Variants in CDK1 observed in about 807,000 individuals in gnomAD.
The protein encoded by CDK1 is cyclin-dependent kinase 1.
CDK1 carries 5 observed loss-of-function variants against 34.6 expected under a neutral mutation model. That is an observed-to-expected ratio of 0.14 (90% CI 0.08 to 0.30). CDK1 has a LOEUF of 0.30. Among genes scored for constraint, CDK1 ranks in the 10% least tolerant of loss-of-function variants. The pLI is 1.00. For missense variants in CDK1, 157 were observed against 345.7 expected (o/e 0.45, Z 4.33); for synonymous variants, 108 against 114.7 (o/e 0.94, Z 0.37).
At chr10:60,781,298 A>C (rs2080270842) in intron 2 of CDK1, among the ~76,000 whole-genome samples, 2 of 152,272 alleles carry the variant, frequency 1.3e-5, no homozygotes, top group South Asian at 4.1e-4. Flanking sequence ...TTCTGAGAAA[A>C]GTACTTTAAT....
chr10:60,794,271 T>A lies in CDK1; in HGVS notation c.*296T>A, dbSNP rs911188914. 6 of 192,186 alleles carry A rather than the reference T, an allele frequency of 3.1e-5. No homozygotes were observed. The highest frequency in any genetic ancestry group is 6.3e-5 in the Non-Finnish European group (6 of 95,146). 11.9% of individuals were successfully genotyped at this position (192,186 alleles called of 1,614,324 possible). ...TTGGCTTAAATCATCTCAGTCCTTATGGCAGTTTTATTTTCCTGTAGTTGG... is the reference window on the plus strand; with the variant it reads ...TTGGCTTAAATCATCTCAGTCCTTAAGGCAGTTTTATTTTCCTGTAGTTGG... On this transcript the variant is annotated 3_prime_UTR_variant, in exon 8 of 8. Transcript: ENST00000395284.
intron 2 of CDK1, among the ~76,000 whole-genome samples, chr10:60,781,058 A>T (rs555665421): frequency 4.4e-4 from 66 of 150,028 alleles, no homozygotes; most frequent in African/African-American, 1.6e-3. Context: ...ATATATATAT[A>T]TTTTTTTTTT....
chr10:60,791,936 C>T lies in CDK1; in HGVS notation c.536C>T (p.Ala179Val). 6.2e-7 allele frequency: 1 copy of T among 1,612,872 alleles called. No homozygotes were observed. Among genetic ancestry groups the T allele is most frequent in the African/African-American group, 1.3e-5 (1 of 74,974 alleles). Residue 179 changes from alanine to valine, a missense_variant, in exon 6 of 8, where the codon GCT becomes GTT. Transcript: ENST00000395284. ...TCTCCAGAAGTATTGCTGGGGTCAG[C>T]TCGTTACTCAACTCCAGTTGACATT... ...YRSPEVLLGSARYSTPVDIWS... is the reference protein window; with the variant it reads ...YRSPEVLLGSVRYSTPVDIWS...
At position 60,785,671 on chromosome 10, in the gene CDK1, G is replaced by T; in HGVS notation, c.202G>T (p.Asp68Tyr). 6.3e-7 allele frequency: 1 copy of T among 1,592,796 alleles called. No homozygotes were observed. The highest frequency in any genetic ancestry group is 8.6e-7 in the Non-Finnish European group (1 of 1,166,956). The change falls in exon 4 of 8, where the codon GAT becomes TAT. Residue 68 changes from aspartate (D) to tyrosine (Y), a missense_variant. By Grantham distance (160) the Asp-to-Tyr change is radical. Transcript: ENST00000395284. ...LRHPNIVSLQ[D>Y]VLMQDSRLYL... The stretch of plus-strand genomic sequence containing the variant: ...TATATTTTTTTTCCCCAGTCTTCAG[G>T]ATGTGCTTATGCAGGATTCCAGGTT...
chr10:60,781,670 C>T (rs949825983), intron 2 of CDK1, among the ~76,000 whole-genome samples: 4 of 152,196 alleles, frequency 2.6e-5, no homozygotes, highest in African/African-American at 4.8e-5. Context: ...TTGATGTCCT[C>T]AAATGTATCC....
chr10:60,781,515 G>A (rs966079450), intron 2 of CDK1, among the ~76,000 whole-genome samples: 9 of 152,098 alleles, frequency 5.9e-5, no homozygotes, highest in African/African-American at 2.2e-4. Context: ...CAATATTATG[G>A]AAAGCATTTG....
At chr10:60,793,248 G>C (rs1326099324) in intron 7 of CDK1, among the ~76,000 whole-genome samples, 2 of 152,050 alleles carry the variant, frequency 1.3e-5, no homozygotes, top group Non-Finnish European at 2.9e-5. Flanking sequence ...TTACATGAGA[G>C]TTCAGATGGT....
intron 5 of CDK1, among the ~76,000 whole-genome samples, chr10:60,790,400 A>G (rs762268296): frequency 2.0e-5 from 3 of 152,068 alleles, no homozygotes; most frequent in Non-Finnish European, 2.9e-5. Flanking sequence ...GGCATGCACC[A>G]CCATGCTAGG....
chr10:60,792,597 T>C (rs2080368557), intron 7 of CDK1, among the ~76,000 whole-genome samples: 1 of 152,094 alleles, frequency 6.6e-6, no homozygotes, highest in Non-Finnish European at 1.5e-5. Flanking sequence ...CTAGCATTTT[T>C]GTCACTATTG....
intron 4 of CDK1, chr10:60,786,008 T>A: frequency 8.6e-7 from 1 of 1,156,288 alleles, no homozygotes; most frequent in Non-Finnish European, 1.1e-6. Flanking sequence ...TGAGATAACA[T>A]AGAACTGGTA....
chr10:60,791,711 A>G (rs2080361143), intron 5 of CDK1, among the ~76,000 whole-genome samples, 179 bp from the exon 6 acceptor site: 2 of 152,196 alleles, frequency 1.3e-5, no homozygotes, highest in South Asian at 2.1e-4. Context: ...CTTCTAATGA[A>G]TAGAACTTAG....
chr10:60,780,679 A>G (rs1316429169), intron 2 of CDK1, among the ~76,000 whole-genome samples: 1 of 152,136 alleles, frequency 6.6e-6, no homozygotes, highest in African/African-American at 2.4e-5. Flanking sequence ...CCTAAGTATA[A>G]ATGACCTGTC....
rs184380577 is a variant in CDK1, at chr10:60,790,938, T to C, written c.490-952T>C. Reference sequence around the variant, plus strand: ...TGTTTCGGTTACTATAGCTTTGTAATACATTTTTGAAGTCAGGTGATACGA... The same window carrying C: ...TGTTTCGGTTACTATAGCTTTGTAACACATTTTTGAAGTCAGGTGATACGA... On this transcript the variant is annotated intron_variant, in intron 5 of 7. Transcript: ENST00000395284. Among the ~76,000 whole-genome samples, 865 of 152,288 alleles carry C rather than the reference T, an allele frequency of 5.7e-3. 3 individuals are homozygous for C. The highest frequency in any genetic ancestry group is 9.9e-3 in the Non-Finnish European group (675 of 68,004).
At chr10:60,793,473 A>C (rs1331180671) in intron 7 of CDK1, among the ~76,000 whole-genome samples, 2 of 151,918 alleles carry the variant, frequency 1.3e-5, no homozygotes, top group African/African-American at 2.4e-5. Context: ...ACTTGCTGGA[A>C]GCTACATCAG....
At chr10:60,785,908 T>G in intron 4 of CDK1, 121 bp downstream of exon 4, 1 of 1,315,524 alleles carries the variant, frequency 7.6e-7, no homozygotes, top group African/African-American at 1.5e-5. Context: ...GAAAAAGTAT[T>G]TCATTTTTCT....
At position 60,778,480 on chromosome 10, in the gene CDK1, A is replaced by T. The variant is rs1054485364; in HGVS notation, c.-116A>T. 1 of 152,340 alleles carries T rather than the reference A, an allele frequency of 6.6e-6. No homozygotes were observed. Among genetic ancestry groups the T allele is most frequent in the Admixed American group, 6.5e-5 (1 of 15,290 alleles). 9.4% of individuals were successfully genotyped at this position (152,340 alleles called of 1,614,324 possible). A position where few individuals can be genotyped will look rare whatever the true frequency, so the allele number is the denominator to read the frequency against. ...GCGCGGTGAGTTTGAAACTGCTCGC[A>T]CTTGGCTTCAAAGCTGGCTCTTGGA... is the stretch of plus-strand genomic sequence containing the variant. On this transcript the variant is annotated 5_prime_UTR_variant, in exon 1 of 8. Coordinates refer to ENST00000395284, the MANE Select transcript of CDK1 (RefSeq NM_001786.5).
intron 2 of CDK1, among the ~76,000 whole-genome samples, chr10:60,782,449 G>T (rs533882251): frequency 6.6e-6 from 1 of 152,238 alleles, no homozygotes; most frequent in South Asian, 2.1e-4. Flanking sequence ...AAATCTGAGT[G>T]TTGTGATACT....
rs563587789 is a variant in CDK1 at position 60,781,624 on chromosome 10, C to T, written c.37+1422C>T. Among the ~76,000 whole-genome samples the T allele has an allele frequency of 1.6e-4, 24 of 152,316 alleles. No homozygotes were observed. In the South Asian group the frequency reaches 5.0e-3, roughly 32 times the overall value. ...CTCCAAAACCATCTCTTCACCAGCT[C>T]CATCTAATGCCACTTAACTCTTAAT... On this transcript the variant is annotated intron_variant, in intron 2 of 7. Transcript: ENST00000395284.
At chr10:60,783,266 T>C (rs538585311) in intron 2 of CDK1, among the ~76,000 whole-genome samples, 2 of 152,296 alleles carry the variant, frequency 1.3e-5, no homozygotes, top group South Asian at 4.1e-4. Flanking sequence ...CAAAAAGTTA[T>C]ACATTAATCC....
Sources: allele counts gnomAD v4.1 joint callset (sites outside exome capture counted in the v4.1 genomes callset), GRCh38; gene constraint gnomAD v4.1.1; transcripts MANE v1.5; gene names NCBI Gene and HGNC (gene_info 2026-07-23, HGNC 2026-07-21).